CACNG2: variants seen among roughly 807,000 people sequenced by gnomAD.
The protein encoded by CACNG2 is calcium voltage-gated channel auxiliary subunit gamma 2.
A neutral mutation model predicts 25.9 loss-of-function variants in CACNG2; 3 were observed. That is an observed-to-expected ratio of 0.12 (90% CI 0.05 to 0.30). The LOEUF (loss-of-function observed/expected upper bound fraction) is 0.30. CACNG2 is among the 10% of genes least tolerant of loss of function. CACNG2 has a pLI of 1.00. For synonymous variants in CACNG2, 167 were observed against 173.3 expected (o/e 0.96, Z 0.29); for missense variants, 341 against 432.5 (o/e 0.79, Z 1.88).
At chr22:36,638,427 C>A (rs975546089) in intron 1 of CACNG2, among the ~76,000 whole-genome samples, 1 of 152,186 alleles carries the variant, frequency 6.6e-6, no homozygotes, top group African/African-American at 2.4e-5. Flanking sequence ...ATTGCCCCTG[C>A]TCTTTGCTTT....
chr22:36,690,843 T>C (rs1937259748), intron 1 of CACNG2, among the ~76,000 whole-genome samples: 1 of 152,216 alleles, frequency 6.6e-6, no homozygotes, highest in Admixed American at 6.5e-5. Context: ...TCAAGCTTTG[T>C]GCTATGTCTT....
intron 1 of CACNG2, among the ~76,000 whole-genome samples, chr22:36,688,626 C>G (rs1759130781): frequency 6.6e-6 from 1 of 151,358 alleles, no homozygotes; most frequent in South Asian, 2.1e-4. Context: ...CAGATCTATG[C>G]ACTCTGAATT....
chr22:36,634,182 C>T lies in CACNG2; in HGVS notation c.212-46634G>A, dbSNP rs1329770493. ...ACTATGAACCACCTAAGGCTGTTTT[C>T]CCTATAGTCTAGCACTCTGCCTGAC... On this transcript the variant is annotated intron_variant, in intron 1 of 3. Coordinates refer to ENST00000300105, the MANE Select transcript of CACNG2 (RefSeq NM_006078.5). Among the ~76,000 whole-genome samples, 20 of 152,206 alleles carry T rather than the reference C, an allele frequency of 1.3e-4. 1 individual carries two copies. The highest frequency in any genetic ancestry group is 1.2e-3 in the Admixed American group (19 of 15,284).
At chr22:36,610,544 C>G (rs1185025653) in intron 1 of CACNG2, among the ~76,000 whole-genome samples, 2 of 152,190 alleles carry the variant, frequency 1.3e-5, no homozygotes, top group East Asian at 3.8e-4. Flanking sequence ...TTCTCTGTGC[C>G]AGGGAGGCAG....
At chr22:36,669,459 G>A (rs1179051959) in intron 1 of CACNG2, among the ~76,000 whole-genome samples, 1 of 126,308 alleles carries the variant, frequency 7.9e-6, no homozygotes, top group Non-Finnish European at 1.6e-5. Flanking sequence ...AGTGAGCCAA[G>A]ATTGTGCCAT....
chr22:36,669,988 C>T (rs1268836171), intron 1 of CACNG2, among the ~76,000 whole-genome samples: 1 of 152,184 alleles, frequency 6.6e-6, no homozygotes, highest in Non-Finnish European at 1.5e-5. Flanking sequence ...GCTGGGATTA[C>T]AGGTGTGAGC....
chr22:36,679,766 C>G (rs1310922038), intron 1 of CACNG2, among the ~76,000 whole-genome samples: 1 of 152,170 alleles, frequency 6.6e-6, no homozygotes, highest in East Asian at 1.9e-4. Flanking sequence ...TTTGGTGACA[C>G]TCACGGTGGA....
intron 1 of CACNG2, among the ~76,000 whole-genome samples, chr22:36,685,370 T>C (rs1245904944): frequency 6.6e-6 from 1 of 152,180 alleles, no homozygotes; most frequent in African/African-American, 2.4e-5. Context: ...CCCCACCCTG[T>C]GCCACCTCGC....
At chr22:36,580,265 C>T (rs906299447) in intron 2 of CACNG2, among the ~76,000 whole-genome samples, 3 of 152,116 alleles carry the variant, frequency 2.0e-5, no homozygotes, top group African/African-American at 7.2e-5. Flanking sequence ...ATTCACCCCC[C>T]AGACGGCCAT....
intron 1 of CACNG2, among the ~76,000 whole-genome samples, chr22:36,625,707 C>T (rs1287064506): frequency 1.3e-5 from 2 of 152,130 alleles, no homozygotes; most frequent in Non-Finnish European, 2.9e-5. Context: ...TTATCTTTAA[C>T]TACAGTTTAA....
At chr22:36,611,361 C>T (rs1207581863) in intron 1 of CACNG2, among the ~76,000 whole-genome samples, 1 of 152,176 alleles carries the variant, frequency 6.6e-6, no homozygotes, top group Non-Finnish European at 1.5e-5. Flanking sequence ...TGCAAATGAA[C>T]CTGACCTATT....
intron 2 of CACNG2, among the ~76,000 whole-genome samples, chr22:36,580,665 C>T (rs2145917231): frequency 6.6e-6 from 1 of 152,262 alleles, no homozygotes; most frequent in African/African-American, 2.4e-5. Context: ...GAGACCTGAC[C>T]ATACCCCGCA....
intron 1 of CACNG2, among the ~76,000 whole-genome samples, chr22:36,636,840 C>T (rs1042342769): frequency 1.1e-4 from 17 of 152,350 alleles, no homozygotes; most frequent in South Asian, 6.2e-4. Context: ...CAGGCATTCA[C>T]GTGGCTAAAA....
chr22:36,622,180 T>C (rs768651744), intron 1 of CACNG2, among the ~76,000 whole-genome samples: 2 of 152,200 alleles, frequency 1.3e-5, no homozygotes, highest in Non-Finnish European at 2.9e-5. Flanking sequence ...ACCTGGCCAA[T>C]TGGCTCAACC....
chr22:36,632,211 C>A (rs892963322), intron 1 of CACNG2, among the ~76,000 whole-genome samples: 1 of 151,450 alleles, frequency 6.6e-6, no homozygotes, highest in Non-Finnish European at 1.5e-5. Context: ...CATTTTATGT[C>A]GGCTGCCCCA....
At chr22:36,569,694 C>T (rs1387103575) in intron 2 of CACNG2, among the ~76,000 whole-genome samples, 2 of 152,220 alleles carry the variant, frequency 1.3e-5, no homozygotes, top group African/African-American at 4.8e-5. Context: ...CGCCCGCCAC[C>T]ATGTCCGGCT....
intron 1 of CACNG2, among the ~76,000 whole-genome samples, chr22:36,644,758 G>A (rs1304942208): frequency 2.6e-5 from 4 of 152,098 alleles, no homozygotes; most frequent in African/African-American, 7.2e-5. Context: ...GTTACTAAGT[G>A]CTTAAAACAG....
chr22:36,573,836 C>T (rs957609169), intron 2 of CACNG2, among the ~76,000 whole-genome samples: 5 of 152,208 alleles, frequency 3.3e-5, no homozygotes, highest in Non-Finnish European at 7.3e-5. Context: ...GGACAGGTCT[C>T]CCTGAGGAAG....
intron 1 of CACNG2, among the ~76,000 whole-genome samples, chr22:36,658,731 A>G (rs12159910): frequency 6.6e-6 from 1 of 152,244 alleles, no homozygotes; most frequent in Admixed American, 6.5e-5. Context: ...GGGCATGATG[A>G]CAGTGAACAA....
Sources: gnomAD v4.1 joint callset for allele counts (sites outside exome capture counted in the v4.1 genomes callset) on GRCh38, gnomAD v4.1.1 for gene constraint, MANE v1.5 for transcripts, NCBI Gene and HGNC (gene_info 2026-07-23, HGNC 2026-07-21) for gene names.